Variants in SFSWAP observed in about 807,000 individuals in gnomAD.
The protein encoded by SFSWAP is splicing factor SWAP.
In SFSWAP, 17 loss-of-function variants were observed where a neutral mutation model predicts 100.7. That is an observed-to-expected ratio of 0.17 (90% CI 0.12 to 0.25). The LOEUF is 0.25. Among genes scored for constraint, SFSWAP ranks in the 10% least tolerant of loss-of-function variants. The pLI is 1.00. For synonymous variants in SFSWAP, 504 were observed against 510.1 expected, an observed-to-expected ratio of 0.99 and a Z score of 0.16; for missense variants, 1,005 against 1,262.6, an observed-to-expected ratio of 0.80 and a Z score of 3.09.
Position 131,725,484 on chromosome 12 carries a change from T to C in SFSWAP, c.686T>C (p.Met229Thr). ...AGGCAGGGAGCACAGTTTGAGATCA[T>C]GCTGAAGGCCAAGCAGGCCCGGAAC... ...VCRQGAQFEI[M>T]LKAKQARNSQ... The change falls in exon 5 of 18, where the codon ATG becomes ACG. Residue 229 changes from methionine to threonine, a missense_variant. This residue lies in a region of SFSWAP where 237 missense variants were observed against 337.0 expected (regional missense o/e 0.70). Coordinates refer to ENST00000261674, the MANE Select transcript of SFSWAP (RefSeq NM_004592.4). The surrounding 1 kb of genome is among the most constrained non-coding windows in gnomAD (Gnocchi z 4.3). The C allele has an allele frequency of 6.2e-7, 1 of 1,614,182 alleles. No homozygotes were observed. The highest frequency in any genetic ancestry group is 8.5e-7 in the Non-Finnish European group (1 of 1,180,032).
At chr12:131,783,792 T>TTTTATATATATATATATATATA (rs1312028614) in intron 14 of SFSWAP, 15 of 86,682 alleles carry the variant, frequency 1.7e-4, no homozygotes, top group Admixed American at 7.6e-4. Context: ...AAAAAACATT[T>TTTTATATATATATATATATATA]TATATATATA....
At chr12:131,748,875 T>G (rs187083343) in intron 7 of SFSWAP, among the ~76,000 whole-genome samples, 4 of 152,364 alleles carry the variant, frequency 2.6e-5, no homozygotes, top group Admixed American at 1.3e-4. Context: ...GTAGTACTCA[T>G]AGCGTTTATT....
At chr12:131,753,444 G>A in intron 8 of SFSWAP, 81 bp downstream of exon 8, 1 of 1,494,042 alleles carries the variant, frequency 6.7e-7, no homozygotes. Flanking sequence ...CTCCATGGGG[G>A]GCTTGTAATC....
chr12:131,743,877 C>T (rs1428765387), intron 7 of SFSWAP, among the ~76,000 whole-genome samples: 2 of 152,252 alleles, frequency 1.3e-5, no homozygotes, highest in Non-Finnish European at 2.9e-5. Context: ...GTTCCCAAAC[C>T]TCAGTTCTTG....
chr12:131,756,678 T>G (rs1235333065), intron 11 of SFSWAP, 34 bp downstream of exon 11: 1 of 1,534,232 alleles, frequency 6.5e-7, no homozygotes. Flanking sequence ...CCTTGCACAT[T>G]CCACCATAAG....
rs1199707648 is a variant in SFSWAP at position 131,794,374 on chromosome 12, A to T, written c.2535-2804A>T. On this transcript the variant is annotated intron_variant, in intron 15 of 17. Transcript: ENST00000261674. The surrounding 1 kb of genome is among the most constrained non-coding windows in gnomAD (Gnocchi z 4.8). ...TTGGTAGAGACCCCCATCTCTACTT[A>T]AAAAAAAAAAAAATTAGCCATTTGT... Among the ~76,000 whole-genome samples, 1 of 139,508 alleles carries T rather than the reference A, an allele frequency of 7.2e-6. No individual in the cohort carries two copies. Among genetic ancestry groups the T allele is most frequent in the East Asian group, 2.0e-4 (1 of 4,916 alleles). The allele number at this position is 139,508 out of a possible 152,430, so 91.5% of individuals were successfully genotyped here.
intron 11 of SFSWAP, among the ~76,000 whole-genome samples, chr12:131,762,362 G>T (rs762126715): frequency 2.0e-5 from 3 of 152,220 alleles, no homozygotes; most frequent in Non-Finnish European, 2.9e-5. Flanking sequence ...AATAAGCTAT[G>T]ATTGCACCAC....
intron 7 of SFSWAP, among the ~76,000 whole-genome samples, chr12:131,743,698 A>AC (rs1370041403): frequency 3.3e-5 from 5 of 152,124 alleles, no homozygotes; most frequent in Non-Finnish European, 5.9e-5. Flanking sequence ...CCCTCTTCTC[A>AC]CAGCTGCACT....
chr12:131,751,522 G>A (rs181586346), intron 7 of SFSWAP, among the ~76,000 whole-genome samples: 33 of 152,362 alleles, frequency 2.2e-4, no homozygotes, highest in Admixed American at 1.9e-3. Flanking sequence ...TGGAGTGCTG[G>A]CTTCGCCCTG....
chr12:131,774,441 C>G (rs1232749501), intron 13 of SFSWAP, among the ~76,000 whole-genome samples: 1 of 152,168 alleles, frequency 6.6e-6, no homozygotes, highest in African/African-American at 2.4e-5. Flanking sequence ...TCCAGTGTTA[C>G]AGAAGTGGCC....
chr12:131,787,437 G>A (rs1323561424), intron 15 of SFSWAP, among the ~76,000 whole-genome samples: 4 of 152,186 alleles, frequency 2.6e-5, no homozygotes, highest in Non-Finnish European at 5.9e-5. Context: ...AGTGCCTTGC[G>A]TGGGGCAGCC....
intron 4 of SFSWAP, among the ~76,000 whole-genome samples, chr12:131,719,884 A>T (rs1878307325): frequency 6.6e-6 from 1 of 152,200 alleles, no homozygotes. Flanking sequence ...AGCACTCAAG[A>T]TCAAGACAGC....
intron 15 of SFSWAP, among the ~76,000 whole-genome samples, chr12:131,793,609 T>G (rs570847165): frequency 1.2e-4 from 18 of 152,064 alleles, no homozygotes; most frequent in African/African-American, 3.4e-4. Context: ...AAAAACCAAT[T>G]AGACTTCATT....
At chr12:131,790,593 A>G (rs1013249030) in intron 15 of SFSWAP, among the ~76,000 whole-genome samples, 21 of 152,192 alleles carry the variant, frequency 1.4e-4, no homozygotes, top group African/African-American at 4.8e-4. Context: ...CTAGGAGTTC[A>G]CATCCAGGGC....
Position 131,711,785 on chromosome 12 carries a change from C to T in SFSWAP, c.218+338C>T, listed in dbSNP as rs527926208. ...AGTGCCCAGGGTCTTTTCCTGAGTG[C>T]ACCTGGGCCTGCCGCCCGGCGATGC... On this transcript the variant is annotated intron_variant, in intron 1 of 17. Transcript: ENST00000261674. This position sits in a 1 kb window ranked among gnomAD's most constrained non-coding sequence, Gnocchi z 4.9. The T allele has an allele frequency of 3.3e-5, 9 of 273,572 alleles. No individual in the cohort carries two copies. In the South Asian group the frequency reaches 4.3e-4, roughly 13 times the overall value. 16.9% of individuals were successfully genotyped at this position (273,572 alleles called of 1,614,324 possible).
chr12:131,750,707 T>A (rs1881541615), intron 7 of SFSWAP, among the ~76,000 whole-genome samples: 1 of 152,128 alleles, frequency 6.6e-6, no homozygotes, highest in Non-Finnish European at 1.5e-5. Flanking sequence ...TTTTGTGAGC[T>A]CAGCTCAGGG....
At position 131,779,607 on chromosome 12, in the gene SFSWAP, G is replaced by A. The variant is rs57572421; in HGVS notation, c.2408+1277G>A. Among the ~76,000 whole-genome samples the A allele has an allele frequency of 7.5e-3, 1,097 of 147,238 alleles. 16 individuals are homozygous for A. The highest frequency in any genetic ancestry group is 0.025 in the African/African-American group (1,017 of 41,050). On this transcript the variant is annotated intron_variant, in intron 14 of 17. Coordinates refer to ENST00000261674, the MANE Select transcript of SFSWAP (RefSeq NM_004592.4). ...GACTCTCCTCGGTTTCTCTAACGCC[G>A]CACTGACTGTGCTCATCTAGTTTTT... is the stretch of plus-strand genomic sequence containing the variant.
At chr12:131,716,934 A>G (rs1163976623) in intron 3 of SFSWAP, among the ~76,000 whole-genome samples, 1 of 152,200 alleles carries the variant, frequency 6.6e-6, no homozygotes, top group Non-Finnish European at 1.5e-5. Flanking sequence ...TCCCCTTAAG[A>G]TAAAGTTCTC....
In SFSWAP at chr12:131,714,316, A is replaced by AT; in HGVS notation, c.388+83dup. On this transcript the variant is annotated intron_variant, in intron 2 of 17. Transcript: ENST00000261674. This position sits in a 1 kb window ranked among gnomAD's most constrained non-coding sequence, Gnocchi z 6.0. The stretch of plus-strand genomic sequence containing the variant: ...AGTATTTAAAAATTTACTCCCATTC[A>AT]TTTTTTTATACTCACTCTTTCTGAT... 1 of 1,208,870 alleles carries AT rather than the reference A, an allele frequency of 8.3e-7. No homozygotes were observed. 74.9% of individuals were successfully genotyped at this position (1,208,870 alleles called of 1,614,324 possible).
Sources: allele counts gnomAD v4.1 joint callset (sites outside exome capture counted in the v4.1 genomes callset), GRCh38; gene constraint gnomAD v4.1.1; regional missense constraint gnomAD v4.1.1; non-coding constraint Gnocchi (gnomAD v3.1); transcripts MANE v1.5; gene names NCBI Gene and HGNC (gene_info 2026-07-23, HGNC 2026-07-21).